JDP2: variants seen among roughly 807,000 people sequenced by gnomAD.
The protein encoded by JDP2 is Jun dimerization protein 2.
Under a neutral mutation model 17.1 loss-of-function variants are expected in JDP2, and 9 were observed. That is an observed-to-expected ratio of 0.53 (90% CI 0.32 to 0.92). The LOEUF is 0.92. Among genes scored for constraint, JDP2 ranks in the 40% least tolerant of loss-of-function variants. The pLI, the probability that JDP2 is intolerant of heterozygous loss-of-function variation, is 0.04. For synonymous variants in JDP2, 107 were observed against 95.6 expected (o/e 1.12, Z -0.69); for missense variants, 179 against 220.0 (o/e 0.81, Z 1.18).
chr14:75,467,436 G>C (rs1323247684), intron 3 of JDP2, among the ~76,000 whole-genome samples: 1 of 152,184 alleles, frequency 6.6e-6, no homozygotes, highest in Non-Finnish European at 1.5e-5. Context: ...ACAGTGGAAA[G>C]GCCACAAGAG....
intron 2 of JDP2, among the ~76,000 whole-genome samples, chr14:75,459,350 C>T (rs1886251251): frequency 6.6e-6 from 1 of 152,236 alleles, no homozygotes; most frequent in Non-Finnish European, 1.5e-5. Context: ...GGAGCTGTCA[C>T]TTCTGGTTCA....
At position 75,461,616 on chromosome 14, in the gene JDP2, C is replaced by T. The variant is rs1886352583; in HGVS notation, c.306+86C>T. 6 of 1,056,828 alleles carry T rather than the reference C, an allele frequency of 5.7e-6. No homozygotes were observed. In the East Asian group the frequency reaches 1.3e-4, roughly 22 times the overall value. 65.5% of individuals were successfully genotyped at this position (1,056,828 alleles called of 1,614,324 possible). The stretch of plus-strand genomic sequence containing the variant: ...GACCAGGAGAGGCCATCAGATGTCT[C>T]TGTAGTCAATGAGCATCTGCTGGCA... On this transcript the variant is annotated intron_variant, in intron 3 of 3. Transcript: ENST00000651602.
chr14:75,469,369 T>C lies in JDP2; in HGVS notation c.386T>C (p.Ile129Thr). The C allele has an allele frequency of 6.2e-7, 1 of 1,614,044 alleles. No homozygotes were observed. The highest frequency in any genetic ancestry group is 8.5e-7 in the Non-Finnish European group (1 of 1,179,972). Residue 129 changes from isoleucine to threonine, a missense_variant, in exon 4 of 4, where the codon ATC becomes ACC. By Grantham distance (89) the Ile-to-Thr change is moderately conservative. Coordinates refer to ENST00000651602, the MANE Select transcript of JDP2 (RefSeq NM_001135048.2). ...EELKQERQQL[I>T]LMLNRHRPTC... The stretch of plus-strand genomic sequence containing the variant: ...CTGAAGCAGGAGCGGCAGCAGCTCA[T>C]CCTGATGCTGAACCGACACCGCCCC...
At chr14:75,429,379 C>G (rs1884683939) in intron 1 of JDP2, among the ~76,000 whole-genome samples, 1 of 152,084 alleles carries the variant, frequency 6.6e-6, no homozygotes, top group South Asian at 2.1e-4. Context: ...GGCGTGTGTA[C>G]CCAGGCTTAA....
intron 2 of JDP2, among the ~76,000 whole-genome samples, chr14:75,438,543 T>C (rs1885184641): frequency 6.6e-6 from 1 of 152,212 alleles, no homozygotes; most frequent in African/African-American, 2.4e-5. Context: ...GGTTATCTTT[T>C]AAAATTGTTA....
rs559650342 is a variant in JDP2, at chr14:75,435,197, C to T, written c.-23-2701C>T. ...GCCCTGGAGCGGCCTCCTAGCGTGGCAGGCTGCAGCCCTCTCTGCATTGCA... is the reference window on the plus strand; with the variant it reads ...GCCCTGGAGCGGCCTCCTAGCGTGGTAGGCTGCAGCCCTCTCTGCATTGCA... On this transcript the variant is annotated intron_variant, in intron 1 of 3. Coordinates refer to ENST00000651602, the MANE Select transcript of JDP2 (RefSeq NM_001135048.2). 2.0e-5 allele frequency among the ~76,000 whole-genome samples: 3 copies of T among 152,340 alleles called. No homozygotes were observed. The East Asian group carries it at 5.8e-4, about 29-fold the overall frequency.
chr14:75,452,228 G>A (rs1885897765), intron 2 of JDP2, among the ~76,000 whole-genome samples: 1 of 152,248 alleles, frequency 6.6e-6, no homozygotes, highest in African/African-American at 2.4e-5. Context: ...AGCCCACCGT[G>A]TGGAAGGTAG....
rs772520650 is a variant in JDP2 at position 75,437,910 on chromosome 14, C to T, written c.-11C>T. 1 of 1,597,466 alleles carries T rather than the reference C, an allele frequency of 6.3e-7. No individual in the cohort carries two copies. The highest frequency in any genetic ancestry group is 1.7e-5 in the Admixed American group (1 of 58,770). On this transcript the variant is annotated 5_prime_UTR_variant, in exon 2 of 4. Coordinates refer to ENST00000651602, the MANE Select transcript of JDP2 (RefSeq NM_001135048.2). ...CTGCCCACTCCAGGCTGGCCTGCCA[C>T]TCCTCCTGCTATGATGCCTGGGCAG...
At chr14:75,433,847 A>G (rs1010496917) in intron 1 of JDP2, among the ~76,000 whole-genome samples, 3 of 151,914 alleles carry the variant, frequency 2.0e-5, no homozygotes, top group African/African-American at 7.3e-5. Flanking sequence ...CCTTTTCCCA[A>G]TGTTGGTGTT....
intron 2 of JDP2, among the ~76,000 whole-genome samples, chr14:75,453,238 T>C (rs1885948084): frequency 1.3e-5 from 2 of 152,010 alleles, no homozygotes; most frequent in South Asian, 4.1e-4. Context: ...GAATGTCTGG[T>C]ATGTTTGGTA....
intron 3 of JDP2, among the ~76,000 whole-genome samples, chr14:75,464,536 A>G (rs965810605): frequency 9.9e-5 from 15 of 152,238 alleles, no homozygotes; most frequent in African/African-American, 3.6e-4. Flanking sequence ...TGTATAGGTG[A>G]TATCCAAATA....
In JDP2 at chr14:75,432,292, C is replaced by T. The variant is rs575679375; in HGVS notation, c.-24+4040C>T. 7.1e-6 allele frequency: 11 copies of T among 1,550,798 alleles called. No individual in the cohort carries two copies. The South Asian group carries it at 1.3e-4, about 18-fold the overall frequency. ...GTCATCCTGGGTGATTCCTTAGCTC[C>T]AAGAAGAGGCTTGGTGGTTGATTCT... On this transcript the variant is annotated intron_variant, in intron 1 of 3. Coordinates refer to ENST00000651602, the MANE Select transcript of JDP2 (RefSeq NM_001135048.2).
chr14:75,450,418 AGC>A (rs1885794347), intron 2 of JDP2, among the ~76,000 whole-genome samples: 1 of 152,188 alleles, frequency 6.6e-6, no homozygotes, highest in East Asian at 1.9e-4. Context: ...CTTAGTTTGC[AGC>A]CCTGCTTCCC....
intron 2 of JDP2, among the ~76,000 whole-genome samples, chr14:75,444,042 A>G (rs1015845149): frequency 3.3e-5 from 5 of 151,960 alleles, no homozygotes; most frequent in African/African-American, 1.2e-4. Flanking sequence ...AGCTGGGACT[A>G]CAGGCACATG....
chr14:75,447,912 G>C (rs1452543557), intron 2 of JDP2, among the ~76,000 whole-genome samples: 1 of 152,086 alleles, frequency 6.6e-6, no homozygotes, highest in Non-Finnish European at 1.5e-5. Flanking sequence ...ACCTGCCTTG[G>C]CCTCCCAAAG....
At chr14:75,463,876 T>C (rs1400484764) in intron 3 of JDP2, among the ~76,000 whole-genome samples, 1 of 152,130 alleles carries the variant, frequency 6.6e-6, no homozygotes, top group Non-Finnish European at 1.5e-5. Context: ...CTCTCACAAG[T>C]GCTGCTCTAG....
chr14:75,431,578 G>A (rs1013262826), intron 1 of JDP2, among the ~76,000 whole-genome samples: 1 of 152,244 alleles, frequency 6.6e-6, no homozygotes, highest in Admixed American at 6.5e-5. Flanking sequence ...CCTGCAGGGT[G>A]GAGGAGACCT....
intron 1 of JDP2, chr14:75,432,056 A>G (rs1884822653): frequency 1.8e-6 from 1 of 557,188 alleles, no homozygotes; most frequent in Admixed American, 3.2e-5. Flanking sequence ...GCTAGGATTC[A>G]CACTCAGGTG....
At position 75,445,429 on chromosome 14, in the gene JDP2, T is replaced by C. The variant is rs1235379078; in HGVS notation, c.201+7308T>C. The C allele has an allele frequency of 6.1e-6, 6 of 985,256 alleles. No individual in the cohort carries two copies. In the African/African-American group the frequency reaches 8.7e-5, roughly 14 times the overall value. The allele number at this position is 985,256 out of a possible 1,614,324, so 61.0% of individuals were successfully genotyped here. A position where few individuals can be genotyped will look rare whatever the true frequency, so the allele number is the denominator to read the frequency against. ...TACTGAGCGTAGTGCATGTGTATGC[T>C]CTGACAAACTCCTCCGTGGTTTGCC... On this transcript the variant is annotated intron_variant, in intron 2 of 3. Transcript: ENST00000651602.
Sources: allele counts gnomAD v4.1 joint callset (sites outside exome capture counted in the v4.1 genomes callset), GRCh38; gene constraint gnomAD v4.1.1; transcripts MANE v1.5; gene names NCBI Gene and HGNC (gene_info 2026-07-23, HGNC 2026-07-21).